ARHGAP32: variants seen among roughly 807,000 people sequenced by gnomAD.
ARHGAP32 encodes Rho GTPase activating protein 32.
ARHGAP32 carries 51 observed loss-of-function variants against 186.5 expected under a neutral mutation model. The observed-to-expected ratio is 0.27, with a 90% CI of 0.22 to 0.35. The LOEUF is 0.35. Ranked by LOEUF, ARHGAP32 falls within the 10% of genes least tolerant of loss-of-function variation. The pLI, the probability that ARHGAP32 is intolerant of heterozygous loss-of-function variation, is 1.00. For missense variants in ARHGAP32, 2,186 were observed against 2,623.5 expected, an observed-to-expected ratio of 0.83 and a Z score of 3.64; for synonymous variants, 950 against 964.3, an observed-to-expected ratio of 0.99 and a Z score of 0.27.
At chr11:129,143,072 C>CAGATATATATATATATATATATATATAT in intron 2 of ARHGAP32, among the ~76,000 whole-genome samples, 1 of 112,470 alleles carries the variant, frequency 8.9e-6, no homozygotes, top group Admixed American at 8.3e-5. Flanking sequence ...GGTAAAACTG[C>CAGATATATATATATATATATATATATAT]ATATATATAT....
At chr11:128,989,014 T>C (rs1565359897) in intron 12 of ARHGAP32, among the ~76,000 whole-genome samples, 1 of 152,232 alleles carries the variant, frequency 6.6e-6, no homozygotes, top group Admixed American at 6.5e-5. Flanking sequence ...GAAAATTTGG[T>C]CTGCAAAGAG....
At chr11:129,211,761 T>TAAGA (rs780817287) in intron 1 of ARHGAP32, among the ~76,000 whole-genome samples, 1 of 152,180 alleles carries the variant, frequency 6.6e-6, no homozygotes. Context: ...GGCATTTACA[T>TAAGA]AAGAAAGAAA....
intron 6 of ARHGAP32, among the ~76,000 whole-genome samples, chr11:129,082,555 A>C (rs1941251976): frequency 6.6e-6 from 1 of 152,190 alleles, no homozygotes; most frequent in African/African-American, 2.4e-5. Context: ...CATGTAGAAG[A>C]ATGAAACTGG....
intron 1 of ARHGAP32, among the ~76,000 whole-genome samples, chr11:129,253,927 G>T (rs34277711): frequency 6.6e-6 from 1 of 151,982 alleles, no homozygotes. Context: ...CACTGTGACC[G>T]ATATCATAGA....
intron 2 of ARHGAP32, among the ~76,000 whole-genome samples, chr11:129,149,228 C>T (rs964525031): frequency 6.6e-6 from 1 of 152,170 alleles, no homozygotes; most frequent in Non-Finnish European, 1.5e-5. Flanking sequence ...ATCTTGCTGC[C>T]AGGAAGAAGA....
upstream of ARHGAP32, among the ~76,000 whole-genome samples, chr11:129,193,632 TAATATATGTTATATAATACATATAC>T: frequency 1.2e-5 from 1 of 82,648 alleles, no homozygotes; most frequent in South Asian, 2.8e-4. Flanking sequence ...ATAATATATA[TAATATATGTTATATAATACATATAC>T]AATATATATT....
At chr11:128,998,700 A>G (rs1225549483) in intron 11 of ARHGAP32, among the ~76,000 whole-genome samples, 8 of 152,248 alleles carry the variant, frequency 5.3e-5, no homozygotes, top group African/African-American at 1.7e-4. Flanking sequence ...GAATGGAGGG[A>G]CTGGCTGAAG....
At chr11:129,082,604 T>C (rs1004771338) in intron 6 of ARHGAP32, among the ~76,000 whole-genome samples, 1 of 152,074 alleles carries the variant, frequency 6.6e-6, no homozygotes, top group Non-Finnish European at 1.5e-5. Flanking sequence ...CAACTCAAGA[T>C]GAATCAAAGA....
chr11:129,129,137 G>C (rs1415254806), intron 2 of ARHGAP32, among the ~76,000 whole-genome samples: 1 of 151,642 alleles, frequency 6.6e-6, no homozygotes, highest in Non-Finnish European at 1.5e-5. Flanking sequence ...TGGGAACTGA[G>C]GAGTGTCTCT....
At chr11:128,976,522 A>C in intron 20 of ARHGAP32, 41 bp downstream of exon 20, 1 of 1,496,860 alleles carries the variant, frequency 6.7e-7, no homozygotes, top group South Asian at 1.1e-5. Context: ...TCCTTTATGC[A>C]ATATATTATA....
At chr11:129,132,407 G>A (rs888300956) in intron 2 of ARHGAP32, among the ~76,000 whole-genome samples, 1 of 151,916 alleles carries the variant, frequency 6.6e-6, no homozygotes, top group East Asian at 1.9e-4. Context: ...TTGAGCCTAA[G>A]GTTAAGGCTG....
chr11:129,143,599 G>A (rs986734321), intron 2 of ARHGAP32, among the ~76,000 whole-genome samples: 1 of 152,138 alleles, frequency 6.6e-6, no homozygotes, highest in African/African-American at 2.4e-5. Flanking sequence ...TTCAACTCAC[G>A]CTTCTTTGAC....
At chr11:129,232,562 C>T (rs1944872835) in intron 1 of ARHGAP32, among the ~76,000 whole-genome samples, 1 of 151,972 alleles carries the variant, frequency 6.6e-6, no homozygotes. Context: ...AACTTGATAG[C>T]TTGATGAGAT....
intron 2 of ARHGAP32, among the ~76,000 whole-genome samples, chr11:129,152,326 A>G (rs1943305300): frequency 6.6e-6 from 1 of 152,196 alleles, no homozygotes; most frequent in Non-Finnish European, 1.5e-5. Context: ...ATTGGTACCA[A>G]TCTTAGTGAA....
intron 1 of ARHGAP32, among the ~76,000 whole-genome samples, chr11:129,189,238 C>CA (rs1369282968): frequency 6.6e-6 from 1 of 152,138 alleles, no homozygotes; most frequent in Non-Finnish European, 1.5e-5. Context: ...CTTTCAAAGT[C>CA]AGTTACATCT....
chr11:129,193,547 ATAATAT>A (rs1206978753), upstream of ARHGAP32, among the ~76,000 whole-genome samples: 3 of 22,156 alleles, frequency 1.4e-4, 1 homozygote, highest in Admixed American at 7.9e-4. Context: ...TATATTATAT[ATAATAT>A]ATATATATTA....
chr11:129,062,907 T>C (rs1413853899), intron 9 of ARHGAP32, among the ~76,000 whole-genome samples: 1 of 152,168 alleles, frequency 6.6e-6, no homozygotes, highest in Non-Finnish European at 1.5e-5. Flanking sequence ...CTTCTTTCAA[T>C]AGATAGTAAA....
chr11:129,138,908 G>T lies in ARHGAP32; in HGVS notation c.226-14014C>A, dbSNP rs1275513895. ...AGAGGAAACTGAGACCAAGAAAGAA[G>T]AGATTTGCATAGTGTGTTAATCACA... On this transcript the variant is annotated intron_variant, in intron 2 of 22. Coordinates refer to ENST00000682385, the MANE Select transcript of ARHGAP32 (RefSeq NM_001378024.1). 2.6e-5 allele frequency among the ~76,000 whole-genome samples: 4 copies of T among 152,160 alleles called. No homozygotes were observed. In the East Asian group the frequency reaches 7.7e-4, roughly 29 times the overall value.
chr11:129,224,486 A>AT (rs1200876449), intron 1 of ARHGAP32, among the ~76,000 whole-genome samples: 1 of 152,070 alleles, frequency 6.6e-6, no homozygotes, highest in African/African-American at 2.4e-5. Flanking sequence ...TCCATGGAAC[A>AT]TTTTTTCAAG....
Sources: allele counts gnomAD v4.1 joint callset (sites outside exome capture counted in the v4.1 genomes callset), GRCh38; gene constraint gnomAD v4.1.1; transcripts MANE v1.5; gene names NCBI Gene and HGNC (gene_info 2026-07-23, HGNC 2026-07-21).